Variants in ZFHX3 observed in about 807,000 individuals in gnomAD.
ZFHX3 encodes zinc finger homeobox 3, also known as zinc finger homeobox protein 3.
ZFHX3 carries 42 observed loss-of-function variants against 279.1 expected under a neutral mutation model. The observed-to-expected ratio is 0.15, with a 90% CI of 0.12 to 0.19. The LOEUF (loss-of-function observed/expected upper bound fraction) is 0.19. Among genes scored for constraint, ZFHX3 ranks in the 10% least tolerant of loss-of-function variants. The pLI, the probability that ZFHX3 is intolerant of heterozygous loss-of-function variation, is 1.00. For missense variants in ZFHX3, 4,981 were observed against 4,754.0 expected (o/e 1.05, Z -1.40); for synonymous variants, 2,293 against 1,957.8 (o/e 1.17, Z -4.52).
intron 5 of ZFHX3, among the ~76,000 whole-genome samples, chr16:73,210,866 T>G (rs2011987979): frequency 6.6e-6 from 1 of 152,216 alleles, no homozygotes. Context: ...AAATGTCATT[T>G]TGGTTTCCTG....
At chr16:73,007,119 T>C (rs1055627209) in intron 1 of ZFHX3, among the ~76,000 whole-genome samples, 1 of 152,374 alleles carries the variant, frequency 6.6e-6, no homozygotes, top group African/African-American at 2.4e-5. Flanking sequence ...GAAGACATTC[T>C]GATATTAAGC....
intron 1 of ZFHX3, among the ~76,000 whole-genome samples, chr16:73,853,312 A>C (rs1236175099): frequency 6.6e-6 from 1 of 152,254 alleles, no homozygotes; most frequent in Non-Finnish European, 1.5e-5. Context: ...TGACTCAGCA[A>C]TCCCACTACT....
chr16:73,087,922 G>A lies in ZFHX3; in HGVS notation c.-533+5313C>T, dbSNP rs116740852. 1.7e-3 allele frequency among the ~76,000 whole-genome samples: 263 copies of A among 151,732 alleles called. 1 individual carries two copies. Among genetic ancestry groups the A allele is most frequent in the Middle Eastern group, 0.014 (4 of 294 alleles). On this transcript the variant is annotated intron_variant, in intron 8 of 17. Coordinates refer to the ZFHX3 transcript ENST00000641206. ...GGCTCACTGCAACCTCCAGCTTCCC[G>A]GGTTCAAATGATTCTCCTGCCTCAG...
rs1481503805 is a variant in ZFHX3, at chr16:72,858,626, T to C, written c.3449-28767A>G. Among the ~76,000 whole-genome samples the C allele has an allele frequency of 2.0e-5, 3 of 152,338 alleles. No homozygotes were observed. In the East Asian group the frequency reaches 5.8e-4, roughly 29 times the overall value. ...AGGACACTTTTAATGCTCATAAGAC[T>C]GCTCATAGCTTAGCAACTTTCCGAA... On this transcript the variant is annotated intron_variant, in intron 4 of 9. Transcript: ENST00000268489.
At chr16:72,818,514 G>A (rs2036681768) in intron 5 of ZFHX3, among the ~76,000 whole-genome samples, 1 of 152,154 alleles carries the variant, frequency 6.6e-6, no homozygotes, top group South Asian at 2.1e-4. Context: ...CTGCTTTCCT[G>A]CCAACTTGGT....
intron 5 of ZFHX3, among the ~76,000 whole-genome samples, chr16:72,827,876 A>G (rs1255084379): frequency 6.6e-6 from 1 of 152,220 alleles, no homozygotes; most frequent in Non-Finnish European, 1.5e-5. Context: ...TGTGCTGCCC[A>G]TTCATTCGGC....
chr16:72,923,423 C>A (rs1001012724), intron 3 of ZFHX3, among the ~76,000 whole-genome samples: 9 of 142,022 alleles, frequency 6.3e-5, no homozygotes, highest in African/African-American at 2.1e-4. Context: ...CCAGCCTGGG[C>A]GACAGAGTGA....
intron 1 of ZFHX3, among the ~76,000 whole-genome samples, chr16:73,850,141 A>G (rs1298257951): frequency 6.6e-6 from 1 of 152,200 alleles, no homozygotes; most frequent in Non-Finnish European, 1.5e-5. Flanking sequence ...TTTGATGAGG[A>G]TTTACCATCC....
intron 1 of ZFHX3, among the ~76,000 whole-genome samples, chr16:73,890,500 C>T (rs574911585): frequency 6.6e-6 from 1 of 152,252 alleles, no homozygotes; most frequent in African/African-American, 2.4e-5. Context: ...TTATTGTCAA[C>T]GGTTGAAACC....
chr16:73,475,588 A>T (rs1047399048), intron 2 of ZFHX3, among the ~76,000 whole-genome samples: 1 of 152,130 alleles, frequency 6.6e-6, no homozygotes, highest in Non-Finnish European at 1.5e-5. Context: ...TTGAAGTATT[A>T]CATATAAAAA....
At chr16:73,351,304 A>T (rs890048357) in intron 3 of ZFHX3, among the ~76,000 whole-genome samples, 3 of 152,176 alleles carry the variant, frequency 2.0e-5, no homozygotes, top group African/African-American at 7.2e-5. Flanking sequence ...CCTGCTGCCT[A>T]ATATACTCCT....
Position 72,825,738 on chromosome 16 carries a change from T to C in ZFHX3, c.3529+4041A>G, listed in dbSNP as rs548540785. ...TACCTATGATGCATTCTTTCAGGGT[T>C]AGTTTTGTTCCTTTGGGGTATCTAT... On this transcript the variant is annotated intron_variant, in intron 5 of 9. Coordinates refer to ENST00000268489, the MANE Select transcript of ZFHX3 (RefSeq NM_006885.4). Among the ~76,000 whole-genome samples, 7 of 152,352 alleles carry C rather than the reference T, an allele frequency of 4.6e-5. 1 individual carries two copies. In the South Asian group the frequency reaches 1.4e-3, roughly 32 times the overall value.
At chr16:73,785,772 T>A (rs780092479) in intron 1 of ZFHX3, among the ~76,000 whole-genome samples, 39 of 152,338 alleles carry the variant, frequency 2.6e-4, no homozygotes, top group Non-Finnish European at 2.9e-4. Flanking sequence ...TTATTCATAT[T>A]AGGTCTTCTC....
At chr16:73,381,229 C>T (rs2016813421) in intron 3 of ZFHX3, among the ~76,000 whole-genome samples, 1 of 152,124 alleles carries the variant, frequency 6.6e-6, no homozygotes, top group Non-Finnish European at 1.5e-5. Context: ...AATAGCTTTT[C>T]TTCCCAGAAA....
In ZFHX3 at chr16:72,959,891, C is replaced by T. The variant is rs748867715; in HGVS notation, c.255G>A (p.Ser85=). 38 of 1,602,878 alleles carry T rather than the reference C, an allele frequency of 2.4e-5. No individual in the cohort carries two copies. The East Asian group carries it at 4.7e-4, about 20-fold the overall frequency. The change falls in exon 2 of 10, where the codon TCG becomes TCA. Residue 85 remains serine, a synonymous_variant. Coordinates refer to ENST00000268489, the MANE Select transcript of ZFHX3 (RefSeq NM_006885.4). The part of the protein sequence containing the change: ...ASKEVTCNEC[S]ASFASLQTYM... ...AGGTCTGGAGGCTGGCAAAGGAGGC[C>T]GAACATTCGTTGCAGGTGACCTCCT... is the stretch of plus-strand genomic sequence containing the variant.
At chr16:73,263,440 C>T (rs761918532) in intron 4 of ZFHX3, among the ~76,000 whole-genome samples, 10 of 152,190 alleles carry the variant, frequency 6.6e-5, no homozygotes, top group African/African-American at 9.6e-5. Context: ...CCTCCTGCCT[C>T]GGCCTCCCAG....
chr16:72,992,865 G>C (rs535819297), intron 1 of ZFHX3, among the ~76,000 whole-genome samples: 1 of 152,224 alleles, frequency 6.6e-6, no homozygotes, highest in Non-Finnish European at 1.5e-5. Flanking sequence ...GGCCAGGCGC[G>C]ATGGCCCCTG....
chr16:73,580,662 C>T (rs986826495), intron 2 of ZFHX3, among the ~76,000 whole-genome samples: 1 of 151,492 alleles, frequency 6.6e-6, no homozygotes, highest in African/African-American at 2.4e-5. Context: ...TAATGGTATT[C>T]AATTAGTGAT....
At chr16:72,800,247 C>T (rs765844423) in intron 7 of ZFHX3, 118 bp from the exon 8 acceptor site, 50 of 755,710 alleles carry the variant, frequency 6.6e-5, no homozygotes, top group Non-Finnish European at 1.0e-4. Context: ...AGAGGTGTCT[C>T]ACTTTTCATA....
Sources: gnomAD v4.1 joint callset for allele counts (sites outside exome capture counted in the v4.1 genomes callset) on GRCh38, gnomAD v4.1.1 for gene constraint, MANE v1.5 for transcripts, NCBI Gene and HGNC (gene_info 2026-07-23, HGNC 2026-07-21) for gene names.